Variants in NPIPB2 observed in about 807,000 individuals in gnomAD.
NPIPB2 encodes nuclear pore complex-interacting protein family member B2.
Under a neutral mutation model 30.8 loss-of-function variants are expected in NPIPB2, and 27 were observed. The observed-to-expected ratio is 0.88, with a 90% confidence interval of 0.65 to 1.21. NPIPB2 has a LOEUF of 1.21. NPIPB2 is among the 50% of genes most tolerant of loss of function. NPIPB2 has a pLI of 0.00. For missense variants in NPIPB2, 440 were observed against 446.2 expected (o/e 0.99, Z 0.13); for synonymous variants, 147 against 162.0 (o/e 0.91, Z 0.70).
chr16:11,945,794 T>G (rs1171837782), upstream of NPIPB2, among the ~76,000 whole-genome samples: 4 of 152,074 alleles, frequency 2.6e-5, no homozygotes, highest in Non-Finnish European at 5.9e-5. Flanking sequence ...CTCCTTCTAT[T>G]CAGCCCATGG....
chr16:11,962,912 C>T (rs937920678), intron 1 of NPIPB2, among the ~76,000 whole-genome samples: 10 of 151,918 alleles, frequency 6.6e-5, no homozygotes, highest in African/African-American at 2.4e-4. Flanking sequence ...ACTAAAAATA[C>T]AAATATTTGC....
intron 5 of NPIPB2, among the ~76,000 whole-genome samples, 191 bp downstream of exon 5, chr16:11,930,259 A>G (rs1011102368): frequency 6.4e-5 from 8 of 125,146 alleles, no homozygotes; most frequent in Non-Finnish European, 1.3e-4. Flanking sequence ...GCTACTTCAC[A>G]TCTTTTGGTC....
chr16:11,970,296 T>G (rs1240425595), intron 1 of NPIPB2, among the ~76,000 whole-genome samples: 1 of 152,198 alleles, frequency 6.6e-6, no homozygotes. Context: ...CACTACAACC[T>G]CTGCTTCCTG....
At chr16:11,957,685 A>G (rs1458562027) in intron 1 of NPIPB2, among the ~76,000 whole-genome samples, 1 of 152,142 alleles carries the variant, frequency 6.6e-6, no homozygotes, top group Admixed American at 6.6e-5. Context: ...AGCAAAGACC[A>G]AGATTTCCTG....
chr16:11,951,794 G>A (rs1341740640), intron 1 of NPIPB2, among the ~76,000 whole-genome samples: 5 of 152,086 alleles, frequency 3.3e-5, no homozygotes, highest in Admixed American at 1.3e-4. Context: ...TTGGGAGGCC[G>A]AGGCGGGCGG....
chr16:11,964,713 C>T (rs1339824819), intron 1 of NPIPB2, among the ~76,000 whole-genome samples: 2 of 152,314 alleles, frequency 1.3e-5, no homozygotes, highest in Middle Eastern at 3.4e-3. Context: ...CGGCGCCCAG[C>T]TTACACCAGA....
intron 1 of NPIPB2, chr16:11,967,472 C>G (rs1459758362): frequency 7.8e-7 from 1 of 1,280,732 alleles, no homozygotes; most frequent in Non-Finnish European, 1.1e-6. Context: ...GAAAAAATCT[C>G]TCTCACATTG....
intron 1 of NPIPB2, among the ~76,000 whole-genome samples, chr16:11,969,981 C>T (rs1229969239): frequency 6.6e-6 from 1 of 151,866 alleles, no homozygotes; most frequent in African/African-American, 2.4e-5. Context: ...CCTACCTCAG[C>T]CTCCCAAGTA....
At chr16:11,931,549 G>A (rs1325583632) in intron 4 of NPIPB2, among the ~76,000 whole-genome samples, 2 of 152,232 alleles carry the variant, frequency 1.3e-5, no homozygotes, top group African/African-American at 4.8e-5. Flanking sequence ...TGTGTGTGGT[G>A]AGGTGCTGAG....
chr16:11,937,624 A>T, exon 2 of NPIPB2: 3 of 1,599,478 alleles, frequency 1.9e-6, no homozygotes, highest in Non-Finnish European at 2.5e-6. Context: ...GACTTCCACC[A>T]AAGTCAGTCC....
chr16:11,972,313 C>T (rs560820411), intron 1 of NPIPB2, among the ~76,000 whole-genome samples: 53 of 151,930 alleles, frequency 3.5e-4, no homozygotes, highest in African/African-American at 1.1e-3. Context: ...CCGCGGCTCA[C>T]GCCCGTAATT....
At chr16:11,954,461 G>C (rs2055093454) in intron 1 of NPIPB2, among the ~76,000 whole-genome samples, 1 of 146,006 alleles carries the variant, frequency 6.8e-6, no homozygotes, top group Admixed American at 7.0e-5. Context: ...CTGGGTGACA[G>C]AGTAAGACTC....
At chr16:11,951,851 C>A (rs1035785341) in intron 1 of NPIPB2, among the ~76,000 whole-genome samples, 1 of 150,114 alleles carries the variant, frequency 6.7e-6, no homozygotes. Flanking sequence ...CAGGTTGAAA[C>A]CCCGTCTCTA....
At chr16:11,971,879 G>A (rs1453707752) in intron 1 of NPIPB2, among the ~76,000 whole-genome samples, 2 of 152,150 alleles carry the variant, frequency 1.3e-5, no homozygotes, top group African/African-American at 4.8e-5. Flanking sequence ...AGGCGTAGTG[G>A]CTCTTGCCTG....
chr16:11,939,250 A>G (rs1360840618), intron 1 of NPIPB2, among the ~76,000 whole-genome samples: 8 of 151,704 alleles, frequency 5.3e-5, no homozygotes, highest in African/African-American at 1.2e-4. Flanking sequence ...AATAAGTATC[A>G]AATTTTAGTG....
chr16:11,965,999 T>C (rs1235272596), intron 1 of NPIPB2, among the ~76,000 whole-genome samples: 1 of 152,126 alleles, frequency 6.6e-6, no homozygotes, highest in Non-Finnish European at 1.5e-5. Context: ...TAATCCCAGC[T>C]ACTCGGGAGG....
chr16:11,960,720 GC>G (rs2055147177), intron 1 of NPIPB2, among the ~76,000 whole-genome samples: 1 of 151,800 alleles, frequency 6.6e-6, no homozygotes, highest in Admixed American at 6.6e-5. Context: ...CTACCATCTG[GC>G]TTGCATCAGG....
intron 1 of NPIPB2, among the ~76,000 whole-genome samples, chr16:11,956,654 G>GA (rs983494567): frequency 2.6e-5 from 4 of 152,114 alleles, no homozygotes; most frequent in Non-Finnish European, 5.9e-5. Flanking sequence ...CCAGCCTGGG[G>GA]AACACAGTGA....
At chr16:11,967,646 C>A (rs2150941924) in intron 1 of NPIPB2, 2 of 1,614,148 alleles carry the variant, frequency 1.2e-6, no homozygotes, top group Non-Finnish European at 8.5e-7. Flanking sequence ...TTCCGAGAGG[C>A]CTCGAGTACA....
Sources: allele counts gnomAD v4.1 joint callset (sites outside exome capture counted in the v4.1 genomes callset), GRCh38; gene constraint gnomAD v4.1.1; transcripts MANE v1.5; gene names NCBI Gene and HGNC (gene_info 2026-07-23, HGNC 2026-07-21).